SLC28A3: variants seen among roughly 807,000 people sequenced by gnomAD.
SLC28A3 encodes the protein solute carrier family 28 member 3.
SLC28A3 carries 68 observed loss-of-function variants against 84.2 expected under a neutral mutation model. The ratio of observed to expected loss-of-function variants is 0.81; its 90% confidence interval spans 0.66 to 0.99. SLC28A3 has a LOEUF of 0.99. Among genes scored for constraint, SLC28A3 ranks in the 50% least tolerant of loss-of-function variants. The probability of loss-of-function intolerance (pLI) is 0.00; values close to 1 mark genes in which losing one functional copy is unlikely to be tolerated. For missense variants in SLC28A3, 712 were observed against 841.5 expected (o/e 0.85, Z 1.90); for synonymous variants, 267 against 303.6 (o/e 0.88, Z 1.25).
chr9:84,283,954 C>T (rs1406608189), intron 14 of SLC28A3, among the ~76,000 whole-genome samples: 1 of 152,180 alleles, frequency 6.6e-6, no homozygotes, highest in Non-Finnish European at 1.5e-5. Context: ...CATGATTCAA[C>T]AATAGCAGAG....
At chr9:84,330,941 A>G (rs998702853) in intron 1 of SLC28A3, among the ~76,000 whole-genome samples, 7 of 152,296 alleles carry the variant, frequency 4.6e-5, no homozygotes, top group African/African-American at 9.6e-5. Flanking sequence ...GCAAAAATGT[A>G]TCTTTATCTA....
chr9:84,287,205 C>T (rs1825026513), intron 12 of SLC28A3, among the ~76,000 whole-genome samples: 1 of 152,118 alleles, frequency 6.6e-6, no homozygotes, highest in Non-Finnish European at 1.5e-5. Flanking sequence ...CAAGTCTGCA[C>T]ACTGAGTAAC....
upstream of SLC28A3, among the ~76,000 whole-genome samples, chr9:84,345,628 C>T (rs115570793): frequency 0.02 from 3,036 of 152,234 alleles, 81 homozygotes; most frequent in African/African-American, 0.069. Context: ...CAACACTAGA[C>T]AGTGTTGATT....
the SLC28A3 span, among the ~76,000 whole-genome samples, chr9:84,363,976 G>T: frequency 6.6e-6 from 1 of 151,962 alleles, no homozygotes; most frequent in Non-Finnish European, 1.5e-5. Context: ...TAATTTTTGT[G>T]GGTGCATAGT....
intron 4 of SLC28A3, among the ~76,000 whole-genome samples, chr9:84,304,461 CAA>C (rs35892503): frequency 0.14 from 19,290 of 140,420 alleles, 3,081 homozygotes; most frequent in African/African-American, 0.37. Flanking sequence ...AACAGTACAA[CAA>C]AAAAAAAAAA....
At chr9:84,324,873 C>T (rs1248021878) in intron 1 of SLC28A3, among the ~76,000 whole-genome samples, 1 of 152,124 alleles carries the variant, frequency 6.6e-6, no homozygotes, top group African/African-American at 2.4e-5. Context: ...TTTTGGACTA[C>T]AGCTGACCCT....
the SLC28A3 span, among the ~76,000 whole-genome samples, chr9:84,350,599 A>G: frequency 6.6e-6 from 1 of 152,174 alleles, no homozygotes; most frequent in Non-Finnish European, 1.5e-5. Context: ...AGTTAATGTT[A>G]AGGCCTAGGG....
intron 1 of SLC28A3, among the ~76,000 whole-genome samples, chr9:84,336,106 T>C (rs1468738978): frequency 1.3e-5 from 2 of 148,672 alleles, no homozygotes; most frequent in African/African-American, 4.9e-5. Context: ...GGCTCACACC[T>C]GTAATCCCAG....
chr9:84,276,393 C>T lies in SLC28A3; in HGVS notation c.*1825G>A, dbSNP rs897731161. The T allele has an allele frequency of 2.6e-5, 4 of 151,294 alleles. No individual in the cohort carries two copies. Among genetic ancestry groups the T allele is most frequent in the African/African-American group, 7.3e-5 (3 of 41,108 alleles). The allele number at this position is 151,294 out of a possible 1,614,324, so 9.4% of individuals were successfully genotyped here. ...ATGTGACTTGCATATGTCTATCAGA[C>T]ACTATTGCTATAGAAAAAAAAGCAC... is the stretch of plus-strand genomic sequence containing the variant. On this transcript the variant is annotated 3_prime_UTR_variant, in exon 18 of 18. Coordinates refer to ENST00000376238, the MANE Select transcript of SLC28A3 (RefSeq NM_001199633.2).
intron 7 of SLC28A3, among the ~76,000 whole-genome samples, chr9:84,297,701 A>G (rs1273894173): frequency 6.6e-6 from 1 of 152,238 alleles, no homozygotes; most frequent in Non-Finnish European, 1.5e-5. Context: ...GAACGATGAC[A>G]TAGGTACAGA....
intron 1 of SLC28A3, among the ~76,000 whole-genome samples, chr9:84,339,942 G>C (rs866335570): frequency 1.3e-5 from 2 of 152,174 alleles, no homozygotes; most frequent in Non-Finnish European, 2.9e-5. Context: ...TCTCCAGAGC[G>C]CCCATGCTGA....
intron 5 of SLC28A3, 41 bp from the exon 6 acceptor site, chr9:84,299,766 G>C: frequency 6.5e-7 from 1 of 1,541,826 alleles, no homozygotes; most frequent in South Asian, 1.3e-5. Context: ...CATTTGTTGT[G>C]CTAACTTGAG....
the SLC28A3 span, among the ~76,000 whole-genome samples, chr9:84,364,984 G>A: frequency 1.8e-4 from 27 of 152,324 alleles, no homozygotes; most frequent in African/African-American, 6.5e-4. Flanking sequence ...ACAAACATGT[G>A]AGTGCCGGTA....
At chr9:84,282,284 C>CTTTTT (rs527862557) in intron 14 of SLC28A3, among the ~76,000 whole-genome samples, 1 of 144,800 alleles carries the variant, frequency 6.9e-6, no homozygotes, top group East Asian at 2.0e-4. Context: ...TGAGGAAAAC[C>CTTTTT]TTTTTTTTTT....
At chr9:84,292,475 G>GTCTCTCTCTC (rs57280644) in intron 10 of SLC28A3, 193 bp downstream of exon 10, 14 of 376,500 alleles carry the variant, frequency 3.7e-5, no homozygotes, top group African/African-American at 4.7e-5. Flanking sequence ...CTCTCTCTCT[G>GTCTCTCTCTC]TCTCTCTCTC....
chr9:84,336,745 A>AG (rs1417598397), intron 1 of SLC28A3, among the ~76,000 whole-genome samples: 1 of 152,188 alleles, frequency 6.6e-6, no homozygotes, highest in African/African-American at 2.4e-5. Flanking sequence ...GCACACGCAG[A>AG]GGCCACCTGA....
chr9:84,327,630 A>G (rs369565509), intron 1 of SLC28A3, among the ~76,000 whole-genome samples: 174 of 151,464 alleles, frequency 1.1e-3, no homozygotes, highest in African/African-American at 4.0e-3. Flanking sequence ...TTCCTTAGAA[A>G]CTCCTCCCTG....
At chr9:84,342,285 C>T (rs1179196671), upstream of SLC28A3, among the ~76,000 whole-genome samples, 2 of 149,872 alleles carry the variant, frequency 1.3e-5, no homozygotes, top group Non-Finnish European at 3.0e-5. Context: ...GAATGATTTA[C>T]TTTTATTATT....
At chr9:84,351,876 G>C in the SLC28A3 span, among the ~76,000 whole-genome samples, 1 of 150,200 alleles carries the variant, frequency 6.7e-6, no homozygotes, top group African/African-American at 2.4e-5. Flanking sequence ...CTCCCAAAGG[G>C]TTCAGGAAAA....
Sources: allele counts gnomAD v4.1 joint callset (sites outside exome capture counted in the v4.1 genomes callset), GRCh38; gene constraint gnomAD v4.1.1; transcripts MANE v1.5; gene names NCBI Gene and HGNC (gene_info 2026-07-23, HGNC 2026-07-21).